The following POLR2D variants were observed in gnomAD, a reference collection of about 807,000 sequenced individuals.
POLR2D encodes the protein RNA polymerase II subunit D.
Under a neutral mutation model 17.6 loss-of-function variants are expected in POLR2D, and 10 were observed. The observed-to-expected ratio is 0.57, with a 90% CI of 0.35 to 0.96. The LOEUF (loss-of-function observed/expected upper bound fraction) is 0.96, where lower values mean the gene tolerates loss of function less well. Among genes scored for constraint, POLR2D ranks in the 40% least tolerant of loss-of-function variants. POLR2D has a pLI of 0.02. For synonymous variants in POLR2D, 52 were observed against 60.2 expected (o/e 0.86, Z 0.63); for missense variants, 126 against 176.4 (o/e 0.71, Z 1.62).
intron 3 of POLR2D, among the ~76,000 whole-genome samples, chr2:127,849,277 G>A (rs1690207201): frequency 6.6e-6 from 1 of 151,884 alleles, no homozygotes; most frequent in Non-Finnish European, 1.5e-5. Context: ...TCCTGACCTT[G>A]TGATCCACCT....
At chr2:127,851,640 T>C (rs1032700356) in intron 2 of POLR2D, among the ~76,000 whole-genome samples, 11 of 152,142 alleles carry the variant, frequency 7.2e-5, no homozygotes, top group Admixed American at 6.5e-4. Context: ...TCCTAATACA[T>C]AGAAATGATC....
Position 127,844,602 on chromosome 2 carries a change from T to A in POLR2D, c.*3505A>T, listed in dbSNP as rs1414668847. On this transcript the variant is annotated 3_prime_UTR_variant, in exon 4 of 4. Transcript: ENST00000272645. The stretch of plus-strand genomic sequence containing the variant: ...AGAATAGCTGACCAGGCTTTCAACC[T>A]ACAACAGCATGAGGTTGCTTTACCA... 6.6e-6 allele frequency: 1 copy of A among 152,256 alleles called. No individual in the cohort carries two copies. Among genetic ancestry groups the A allele is most frequent in the Non-Finnish European group, 1.5e-5 (1 of 68,052 alleles). 9.4% of individuals were successfully genotyped at this position (152,256 alleles called of 1,614,324 possible).
chr2:127,855,221 C>A (rs998686257), intron 1 of POLR2D, among the ~76,000 whole-genome samples: 1 of 151,764 alleles, frequency 6.6e-6, no homozygotes, highest in Non-Finnish European at 1.5e-5. Context: ...GGTGAAACCC[C>A]ATCTCTACTA....
chr2:127,850,241 G>A (rs556219446), intron 3 of POLR2D, among the ~76,000 whole-genome samples: 4 of 152,022 alleles, frequency 2.6e-5, no homozygotes, highest in African/African-American at 9.6e-5. Context: ...GGGAGTTCGC[G>A]ACTAGCCTGA....
chr2:127,853,062 CA>C lies in POLR2D; in HGVS notation c.116del (p.Met39SerfsTer24). ...TCTGCTGCTTTCGATGTTCCAGAAG[CA>C]TATGAACTTCTGAATTTAGAAGTGT... ...AETLLNSEVH[M>X]LLEHRKQQNE... On this transcript the variant is annotated frameshift_variant, in exon 2 of 4. Transcript: ENST00000272645. LOFTEE classifies it high-confidence loss of function. 1 of 1,613,786 alleles carries C rather than the reference CA, an allele frequency of 6.2e-7. No individual in the cohort carries two copies.
intron 1 of POLR2D, among the ~76,000 whole-genome samples, chr2:127,853,452 C>T (rs1238076851): frequency 6.6e-6 from 1 of 152,202 alleles, no homozygotes; most frequent in African/African-American, 2.4e-5. Flanking sequence ...TTAACTCCCA[C>T]TTATAAGAAT....
rs1690179311 is a variant in POLR2D at position 127,847,724 on chromosome 2, C to T, written c.*383G>A. The T allele has an allele frequency of 4.9e-6, 1 of 205,596 alleles. No individual in the cohort carries two copies. Among genetic ancestry groups the T allele is most frequent in the Non-Finnish European group, 9.9e-6 (1 of 100,890 alleles). The allele number at this position is 205,596 out of a possible 1,614,324, so 12.7% of individuals were successfully genotyped here. ...AACTGGTCTTTCTCTATAAAGTCTACTATCTTCTGGTCTAGTTTCAAAAAG... is the reference window on the plus strand; with the variant it reads ...AACTGGTCTTTCTCTATAAAGTCTATTATCTTCTGGTCTAGTTTCAAAAAG... On this transcript the variant is annotated 3_prime_UTR_variant, in exon 4 of 4. Coordinates refer to ENST00000272645, the MANE Select transcript of POLR2D (RefSeq NM_004805.4).
intron 1 of POLR2D, chr2:127,857,630 C>G (rs996088490): frequency 4.9e-6 from 1 of 205,094 alleles, no homozygotes; most frequent in African/African-American, 2.3e-5. Flanking sequence ...CCCGAGCTCC[C>G]GCTCACCACA....
chr2:127,856,220 G>A (rs115028400), intron 1 of POLR2D, among the ~76,000 whole-genome samples: 2,370 of 145,426 alleles, frequency 0.016, 62 homozygotes, highest in African/African-American at 0.058. Flanking sequence ...GCCTAGGGAA[G>A]GTTGAGGCTG....
In POLR2D at chr2:127,858,010, G is replaced by A; in HGVS notation, c.73+18C>T. ...CACGCGAAGTGGCGCGGGGGAGTCT[G>A]GCAGCCCCGAGCCCAACCTTTAGGA... On this transcript the variant is annotated intron_variant, in intron 1 of 3. Transcript: ENST00000272645. The A allele has an allele frequency of 1.3e-6, 2 of 1,577,266 alleles. No individual in the cohort carries two copies. Among genetic ancestry groups the A allele is most frequent in the Non-Finnish European group, 1.7e-6 (2 of 1,164,466 alleles).
intron 1 of POLR2D, among the ~76,000 whole-genome samples, chr2:127,856,695 T>C (rs1351214352): frequency 6.6e-6 from 1 of 152,184 alleles, no homozygotes; most frequent in Non-Finnish European, 1.5e-5. Flanking sequence ...CATTTTTTCA[T>C]TTTTATATTT....
Position 127,858,082 on chromosome 2 carries a change from C to A in POLR2D, c.19G>T (p.Asp7Tyr), listed in dbSNP as rs1690371251. The change falls in exon 1 of 4, where the codon GAT (aspartate) becomes TAT (tyrosine). Residue 7 changes from aspartate (D) to tyrosine (Y), a missense_variant. Physicochemically the swap from Asp to Tyr is radical, Grantham distance 160. Around this residue, in one of 2 missense-constraint regions of POLR2D, gnomAD observed 41 missense variants for 24.9 expected, o/e 1.64. Coordinates refer to ENST00000272645, the MANE Select transcript of POLR2D (RefSeq NM_004805.4). ...TCCTCTACGTCGCCAGCCCGCGGATCGCTGCCACCCGCCGCCATCGCCGCG... is the reference window on the plus strand; with the variant it reads ...TCCTCTACGTCGCCAGCCCGCGGATAGCTGCCACCCGCCGCCATCGCCGCG... MAAGGS[D>Y]PRAGDVEEDA... 1.3e-6 allele frequency: 2 copies of A among 1,524,342 alleles called. No individual in the cohort carries two copies. Among genetic ancestry groups the A allele is most frequent in the Non-Finnish European group, 1.8e-6 (2 of 1,138,030 alleles). 94.4% of individuals were successfully genotyped at this position (1,524,342 alleles called of 1,614,324 possible).
At position 127,846,030 on chromosome 2, in the gene POLR2D, G is replaced by GGA. The variant is rs1418906112; in HGVS notation, c.*2075_*2076dup. 1 of 152,178 alleles carries GGA rather than the reference G, an allele frequency of 6.6e-6. No homozygotes were observed. The highest frequency in any genetic ancestry group is 6.5e-5 in the Admixed American group (1 of 15,280). 9.4% of individuals were successfully genotyped at this position (152,178 alleles called of 1,614,324 possible). A position where few individuals can be genotyped will look rare whatever the true frequency, so the allele number is the denominator to read the frequency against. ...AGCACTTTGGGAAGCCGAGGTGGGA[G>GGA]GATCACTTGAGGTCAGTTCAAGACT... is the stretch of plus-strand genomic sequence containing the variant. On this transcript the variant is annotated 3_prime_UTR_variant, in exon 4 of 4. Transcript: ENST00000272645.
intron 1 of POLR2D, 83 bp from the exon 2 acceptor site, chr2:127,853,188 T>C: frequency 9.1e-7 from 1 of 1,097,896 alleles, no homozygotes; most frequent in Non-Finnish European, 1.3e-6. Context: ...TTTGAACATT[T>C]CTCTGCCCCT....
intron 1 of POLR2D, among the ~76,000 whole-genome samples, chr2:127,853,778 T>C (rs1261040049): frequency 6.6e-6 from 1 of 152,110 alleles, no homozygotes; most frequent in Non-Finnish European, 1.5e-5. Context: ...ATCTCCTTCC[T>C]TTTTATGCCT....
rs1300140531 is a variant in POLR2D at position 127,843,666 on chromosome 2, A to C, written c.*4441T>G. 2 of 152,614 alleles carry C rather than the reference A, an allele frequency of 1.3e-5. No individual in the cohort carries two copies. Among genetic ancestry groups the C allele is most frequent in the Non-Finnish European group, 2.9e-5 (2 of 68,026 alleles). The allele number at this position is 152,614 out of a possible 1,614,324, so 9.5% of individuals were successfully genotyped here. ...GTCTAATAAATCTTAATAAAACCAG[A>C]ATGACTAGATGCTATGGTCTGAATG... On this transcript the variant is annotated 3_prime_UTR_variant, in exon 4 of 4. Coordinates refer to ENST00000272645, the MANE Select transcript of POLR2D (RefSeq NM_004805.4).
intron 1 of POLR2D, among the ~76,000 whole-genome samples, chr2:127,856,225 A>C (rs1253700597): frequency 1.4e-5 from 2 of 142,196 alleles, no homozygotes; most frequent in Non-Finnish European, 3.0e-5. Context: ...GGGAAGGTTG[A>C]GGCTGCAGTG....
At chr2:127,850,848 A>G (rs1301411425) in intron 2 of POLR2D, among the ~76,000 whole-genome samples, 163 bp from the exon 3 acceptor site, 1 of 152,192 alleles carries the variant, frequency 6.6e-6, no homozygotes, top group Non-Finnish European at 1.5e-5. Context: ...GCACTCTGAG[A>G]GGCCAAGGTG....
intron 1 of POLR2D, among the ~76,000 whole-genome samples, chr2:127,855,991 C>A (rs1436913126): frequency 6.6e-6 from 1 of 152,058 alleles, no homozygotes; most frequent in East Asian, 1.9e-4. Flanking sequence ...GTCATTACGA[C>A]CATTAATAGG....
Sources: gnomAD v4.1 joint callset for allele counts (sites outside exome capture counted in the v4.1 genomes callset) on GRCh38, gnomAD v4.1.1 for gene constraint, gnomAD v4.1.1 regional missense constraint, MANE v1.5 for transcripts, NCBI Gene and HGNC (gene_info 2026-07-23, HGNC 2026-07-21) for gene names.